Variants in HSD17B2 observed in about 807,000 individuals in gnomAD.
HSD17B2 encodes 17-beta-hydroxysteroid dehydrogenase type 2.
In HSD17B2, 32 loss-of-function variants were observed where a neutral mutation model predicts 26.9. The ratio of observed to expected loss-of-function variants is 1.19; its 90% confidence interval spans 0.90 to 1.60. HSD17B2 has a LOEUF of 1.60. Among genes scored for constraint, HSD17B2 ranks in the 40% most tolerant of loss-of-function variants. The pLI, the probability that HSD17B2 is intolerant of heterozygous loss-of-function variation, is 0.00. For missense variants in HSD17B2, 613 were observed against 468.6 expected (o/e 1.31, Z -2.85); for synonymous variants, 246 against 186.7 (o/e 1.32, Z -2.59).
At chr16:82,078,966 C>G (rs952027499) in intron 3 of HSD17B2, among the ~76,000 whole-genome samples, 3 of 152,082 alleles carry the variant, frequency 2.0e-5, no homozygotes, top group Admixed American at 2.0e-4. Context: ...TTTGATAGCA[C>G]AACAGAGTGA....
At chr16:82,093,701 TGTAGA>T (rs375238876) in intron 4 of HSD17B2, 46 of 152,322 alleles carry the variant, frequency 3.0e-4, no homozygotes, top group African/African-American at 1.1e-3. Flanking sequence ...GGGGTGAATC[TGTAGA>T]GTAAAGTGAA....
intron 4 of HSD17B2, chr16:82,096,198 A>T (rs1387710283): frequency 2.0e-5 from 3 of 152,198 alleles, no homozygotes; most frequent in Non-Finnish European, 4.4e-5. Context: ...TCCATTAAGT[A>T]GATTAAATAT....
intron 1 of HSD17B2, among the ~76,000 whole-genome samples, chr16:82,065,814 C>T (rs1410525551): frequency 1.3e-5 from 2 of 152,206 alleles, no homozygotes; most frequent in Non-Finnish European, 2.9e-5. Flanking sequence ...CCAGGTCGAT[C>T]CCTACCATCT....
At chr16:82,051,510 G>A (rs1262400262) in intron 1 of HSD17B2, among the ~76,000 whole-genome samples, 1 of 151,700 alleles carries the variant, frequency 6.6e-6, no homozygotes, top group East Asian at 1.9e-4. Flanking sequence ...AGTGGGAACT[G>A]AACTATGAGA....
At chr16:82,096,377 C>G (rs1007108334) in intron 4 of HSD17B2, 1 of 152,122 alleles carries the variant, frequency 6.6e-6, no homozygotes, top group Non-Finnish European at 1.5e-5. Flanking sequence ...CACCCACCAC[C>G]ATGCCCAGCT....
chr16:82,093,630 A>G (rs1904755034), intron 4 of HSD17B2: 1 of 152,212 alleles, frequency 6.6e-6, no homozygotes, highest in Non-Finnish European at 1.5e-5. Context: ...ATTGTTACCA[A>G]AAAGGGCTCC....
chr16:82,051,785 C>T (rs1914115127), intron 1 of HSD17B2, among the ~76,000 whole-genome samples: 1 of 152,242 alleles, frequency 6.6e-6, no homozygotes, highest in South Asian at 2.1e-4. Flanking sequence ...GTTGCAGCTT[C>T]TCAGCTCTGC....
At chr16:82,053,300 G>A (rs1885001302) in intron 1 of HSD17B2, among the ~76,000 whole-genome samples, 2 of 152,128 alleles carry the variant, frequency 1.3e-5, no homozygotes, top group African/African-American at 4.8e-5. Flanking sequence ...AAGTCTTACA[G>A]GTAGAGAAGA....
chr16:82,070,663 A>C lies in HSD17B2; in HGVS notation c.479-279A>C, dbSNP rs1324123235. Reference sequence around the variant, plus strand: ...GATAATGGCTCCTGCCAAACCCTTAATTTGCAATACCTGCTGGTTCACTTA... The same window carrying C: ...GATAATGGCTCCTGCCAAACCCTTACTTTGCAATACCTGCTGGTTCACTTA... On this transcript the variant is annotated intron_variant, in intron 2 of 4. Coordinates refer to ENST00000199936, the MANE Select transcript of HSD17B2 (RefSeq NM_002153.3). 2.5e-5 allele frequency: 11 copies of C among 440,758 alleles called. No homozygotes were observed. The South Asian group carries it at 4.1e-4, about 16-fold the overall frequency. 27.3% of individuals were successfully genotyped at this position (440,758 alleles called of 1,614,324 possible).
intron 4 of HSD17B2, chr16:82,095,851 CT>C (rs1276584888): frequency 6.6e-6 from 1 of 152,012 alleles, no homozygotes; most frequent in African/African-American, 2.4e-5. Flanking sequence ...TTGTTATTTC[CT>C]GGTAAAAAAA....
intron 3 of HSD17B2, among the ~76,000 whole-genome samples, chr16:82,072,417 G>C (rs1403919500): frequency 6.6e-6 from 1 of 152,202 alleles, no homozygotes; most frequent in Non-Finnish European, 1.5e-5. Context: ...ATTTTGGCCT[G>C]TGTGGAAGCC....
At chr16:82,047,859 G>A (rs8191077) in intron 1 of HSD17B2, among the ~76,000 whole-genome samples, 15,713 of 152,192 alleles carry the variant, frequency 0.1, 2,524 homozygotes, top group African/African-American at 0.34. Flanking sequence ...AAAACATGGT[G>A]TCCACAACAG....
chr16:82,055,376 G>A (rs1052619580), intron 1 of HSD17B2, among the ~76,000 whole-genome samples: 1 of 152,160 alleles, frequency 6.6e-6, no homozygotes, highest in African/African-American at 2.4e-5. Flanking sequence ...TTTGCTTATT[G>A]AATGTCTCCC....
In HSD17B2 at chr16:82,047,110, C is replaced by T. The variant is rs8191073; in HGVS notation, c.265+11421C>T. Among the ~76,000 whole-genome samples the T allele has an allele frequency of 5.3e-3, 812 of 152,346 alleles. 11 individuals carry two copies. The highest frequency in any genetic ancestry group is 0.019 in the African/African-American group (777 of 41,582). ...CCTTACCCCATAGCACCAGAGAACA[C>T]TAAAGACTGAACAGCCAGGAACTTC... On this transcript the variant is annotated intron_variant, in intron 1 of 4. Coordinates refer to ENST00000199936, the MANE Select transcript of HSD17B2 (RefSeq NM_002153.3).
intron 1 of HSD17B2, among the ~76,000 whole-genome samples, chr16:82,051,551 C>T (rs1914106883): frequency 6.6e-6 from 1 of 151,028 alleles, no homozygotes; most frequent in Non-Finnish European, 1.5e-5. Context: ...TAACAGCACA[C>T]ATCGGGGCCT....
intron 4 of HSD17B2, chr16:82,096,580 G>A (rs965399870): frequency 1.3e-5 from 2 of 151,880 alleles, no homozygotes; most frequent in African/African-American, 4.8e-5. Flanking sequence ...AATTATACGT[G>A]TGTATGCTTA....
At chr16:82,084,932 T>A (rs995501306) in intron 3 of HSD17B2, among the ~76,000 whole-genome samples, 6 of 152,190 alleles carry the variant, frequency 3.9e-5, no homozygotes, top group African/African-American at 1.4e-4. Flanking sequence ...CTTTGTTGCC[T>A]AGGACGGTCT....
At chr16:82,091,300 A>T in intron 4 of HSD17B2, 1 of 485,494 alleles carries the variant, frequency 2.1e-6, no homozygotes, top group Non-Finnish European at 3.8e-6. Flanking sequence ...ATGGCTCAGT[A>T]AGTCAGATTA....
At chr16:82,082,997 C>T (rs933789234) in intron 3 of HSD17B2, among the ~76,000 whole-genome samples, 1 of 152,148 alleles carries the variant, frequency 6.6e-6, no homozygotes, top group Admixed American at 6.5e-5. Flanking sequence ...ACATATGTTA[C>T]CACCACATCA....
Sources: gnomAD v4.1 joint callset for allele counts (sites outside exome capture counted in the v4.1 genomes callset) on GRCh38, gnomAD v4.1.1 for gene constraint, MANE v1.5 for transcripts, NCBI Gene and HGNC (gene_info 2026-07-23, HGNC 2026-07-21) for gene names.